DISC1: variants seen among roughly 807,000 people sequenced by gnomAD.
DISC1 encodes the protein disrupted in schizophrenia 1 protein.
DISC1 carries 57 observed loss-of-function variants against 84.5 expected under a neutral mutation model. The observed-to-expected ratio is 0.67, with a 90% CI of 0.55 to 0.84. The LOEUF is 0.84. DISC1 is among the 40% of genes least tolerant of loss of function. DISC1 has a pLI of 0.00. For synonymous variants in DISC1, 411 were observed against 415.2 expected (o/e 0.99, Z 0.12); for missense variants, 1,000 against 1,057.8 (o/e 0.95, Z 0.76).
At chr1:231,894,957 C>T (rs1231059483) in intron 9 of DISC1, among the ~76,000 whole-genome samples, 3 of 151,848 alleles carry the variant, frequency 2.0e-5, no homozygotes, top group Admixed American at 6.6e-5. Context: ...ACGGACTGAG[C>T]ATCCTTTGTC....
At chr1:231,753,087 C>T (rs1381209534) in intron 4 of DISC1, among the ~76,000 whole-genome samples, 1 of 152,212 alleles carries the variant, frequency 6.6e-6, no homozygotes, top group Non-Finnish European at 1.5e-5. Flanking sequence ...TGCAAGCTGC[C>T]AGTGGATCTG....
intron 3 of DISC1, chr1:231,721,090 A>T (rs2069616245): frequency 7.8e-7 from 1 of 1,290,116 alleles, no homozygotes; most frequent in Non-Finnish European, 1.0e-6. Flanking sequence ...CTGATGTGAG[A>T]AATGATGTCC....
rs184112911 is a variant in DISC1, at chr1:231,683,172, G to A, written c.68-10654G>A. On this transcript the variant is annotated intron_variant, in intron 1 of 12. Transcript: ENST00000439617. ...CATTCAAGAAATAGAAAAAGATTGG[G>A]GGAGAGAGAGTATTCTGCAAAGCAA... Among the ~76,000 whole-genome samples the A allele has an allele frequency of 7.2e-5, 11 of 152,234 alleles. No individual in the cohort carries two copies. The East Asian group carries it at 1.9e-3, about 27-fold the overall frequency.
At chr1:232,015,292 T>C (rs1040532936) in intron 11 of DISC1, among the ~76,000 whole-genome samples, 7 of 152,042 alleles carry the variant, frequency 4.6e-5, no homozygotes, top group Admixed American at 4.6e-4. Context: ...TGGCCCTTTT[T>C]CCACTAATTA....
intron 3 of DISC1, among the ~76,000 whole-genome samples, chr1:231,726,130 TTAATAA>T (rs2070654068): frequency 6.6e-6 from 1 of 152,124 alleles, no homozygotes; most frequent in Non-Finnish European, 1.5e-5. Flanking sequence ...AGACAATAGC[TTAATAA>T]CAGGCACAGC....
Position 232,024,051 on chromosome 1 carries a change from A to ATG in DISC1, c.2308-2380_2308-2379dup, listed in dbSNP as rs200106931. On this transcript the variant is annotated intron_variant, in intron 11 of 12. Coordinates refer to ENST00000439617, the MANE Select transcript of DISC1 (RefSeq NM_018662.3). ...TATACACACACATATATATGTATATATGTGTATGTGTGTATATATATATAT... is the reference window on the plus strand; with the variant it reads ...TATACACACACATATATATGTATATATGTGTGTATGTGTGTATATATATATAT... Among the ~76,000 whole-genome samples, 1,200 of 129,092 alleles carry ATG rather than the reference A, an allele frequency of 9.3e-3. 23 individuals carry two copies. Among genetic ancestry groups the ATG allele is most frequent in the African/African-American group, 0.029 (1,129 of 39,022 alleles). 84.7% of individuals were successfully genotyped at this position (129,092 alleles called of 152,430 possible). A position where few individuals can be genotyped will look rare whatever the true frequency, so the allele number is the denominator to read the frequency against.
chr1:231,785,965 A>G (rs1197841804), intron 6 of DISC1, among the ~76,000 whole-genome samples: 2 of 152,130 alleles, frequency 1.3e-5, no homozygotes, highest in African/African-American at 4.8e-5. Flanking sequence ...TATCTCCTGT[A>G]TATTTGTCTC....
intron 10 of DISC1, among the ~76,000 whole-genome samples, chr1:231,974,820 G>T (rs972246778): frequency 6.6e-6 from 1 of 152,138 alleles, no homozygotes; most frequent in Non-Finnish European, 1.5e-5. Flanking sequence ...AATATTTTAG[G>T]CCGGGTGTGG....
At chr1:231,756,610 C>A (rs1479282439) in intron 4 of DISC1, among the ~76,000 whole-genome samples, 1 of 151,152 alleles carries the variant, frequency 6.6e-6, no homozygotes, top group Non-Finnish European at 1.5e-5. Context: ...GGAAAATGCT[C>A]CTTCAGCTTT....
intron 9 of DISC1, among the ~76,000 whole-genome samples, chr1:231,830,810 C>G (rs1180494860): frequency 6.6e-6 from 1 of 152,052 alleles, no homozygotes; most frequent in Non-Finnish European, 1.5e-5. Context: ...AAGTATTGTC[C>G]AGTCCTTTTT....
intron 2 of DISC1, 130 bp from the exon 3 acceptor site, chr1:231,701,825 T>G: frequency 1.2e-6 from 1 of 818,556 alleles, no homozygotes; most frequent in Non-Finnish European, 1.8e-6. Flanking sequence ...TGTGCATTTT[T>G]GTTTTTTTTT....
At chr1:231,895,097 T>G (rs1275464423) in intron 9 of DISC1, among the ~76,000 whole-genome samples, 3 of 151,402 alleles carry the variant, frequency 2.0e-5, no homozygotes, top group Non-Finnish European at 4.4e-5. Context: ...TTTTTTTTTC[T>G]TTTTTGCTCT....
At chr1:231,735,641 G>C (rs1348779491) in intron 3 of DISC1, among the ~76,000 whole-genome samples, 2 of 152,148 alleles carry the variant, frequency 1.3e-5, no homozygotes, top group East Asian at 3.8e-4. Flanking sequence ...CTTTCTATAA[G>C]CTTCTTTCTT....
intron 6 of DISC1, among the ~76,000 whole-genome samples, chr1:231,792,287 T>C (rs1305974014): frequency 1.3e-5 from 2 of 152,236 alleles, no homozygotes; most frequent in Non-Finnish European, 2.9e-5. Context: ...TGATTTTCTT[T>C]CTGGGATAGG....
At position 231,698,977 on chromosome 1, in the gene DISC1, G is replaced by A. The variant is rs909056878; in HGVS notation, c.1048-2978G>A. 6.6e-6 allele frequency among the ~76,000 whole-genome samples: 1 copy of A among 152,126 alleles called. No homozygotes were observed. Among genetic ancestry groups the A allele is most frequent in the African/African-American group, 2.4e-5 (1 of 41,410 alleles). On this transcript the variant is annotated intron_variant, in intron 2 of 12. Transcript: ENST00000439617. This position sits in a 1 kb window ranked among gnomAD's most constrained non-coding sequence, Gnocchi z 4.9. ...ATCCTAGGCTTTGGAGATTGTATTAGGACAGGCTAGTAACAGGCACTACGT... is the reference window on the plus strand; with the variant it reads ...ATCCTAGGCTTTGGAGATTGTATTAAGACAGGCTAGTAACAGGCACTACGT...
chr1:231,818,883 A>G (rs930726034), intron 9 of DISC1: 6 of 1,067,674 alleles, frequency 5.6e-6, no homozygotes, highest in Non-Finnish European at 5.7e-6. Flanking sequence ...CTGCACAATC[A>G]TAGACTAAAT....
intron 9 of DISC1, among the ~76,000 whole-genome samples, chr1:231,899,532 G>A (rs200313655): frequency 1.3e-5 from 2 of 152,144 alleles, no homozygotes; most frequent in African/African-American, 4.8e-5. Context: ...TTAAAATGCT[G>A]CATCTGGTTT....
At chr1:231,643,325 C>T (rs928851227) in intron 1 of DISC1, among the ~76,000 whole-genome samples, 2 of 152,054 alleles carry the variant, frequency 1.3e-5, no homozygotes, top group Non-Finnish European at 2.9e-5. Flanking sequence ...TGTGTTTAGG[C>T]CTCCTTTGAG....
At chr1:231,978,701 C>T (rs527364970) in intron 10 of DISC1, among the ~76,000 whole-genome samples, 3 of 152,324 alleles carry the variant, frequency 2.0e-5, no homozygotes, top group African/African-American at 4.8e-5. Flanking sequence ...TGGCTACAGA[C>T]TCTTTTGACA....
Sources: allele counts gnomAD v4.1 joint callset (sites outside exome capture counted in the v4.1 genomes callset), GRCh38; gene constraint gnomAD v4.1.1; non-coding constraint Gnocchi (gnomAD v3.1); transcripts MANE v1.5; gene names NCBI Gene and HGNC (gene_info 2026-07-23, HGNC 2026-07-21).